CACNA1A: variants seen among roughly 807,000 people sequenced by gnomAD.
CACNA1A encodes voltage-dependent P/Q-type calcium channel subunit alpha-1A.
In CACNA1A, 57 loss-of-function variants were observed where a neutral mutation model predicts 262.4. The ratio of observed to expected loss-of-function variants is 0.22; its 90% CI spans 0.18 to 0.27. The LOEUF (loss-of-function observed/expected upper bound fraction) is 0.27. Among genes scored for constraint, CACNA1A ranks in the 10% least tolerant of loss-of-function variants. The pLI is 1.00. For missense variants in CACNA1A, 2,526 were observed against 3,562.8 expected, an observed-to-expected ratio of 0.71 and a Z score of 7.41; for synonymous variants, 1,431 against 1,419.3, an observed-to-expected ratio of 1.01 and a Z score of -0.18.
intron 34 of CACNA1A, 135 bp downstream of exon 34, chr19:13,234,786 G>T (rs533176894): frequency 6.1e-6 from 4 of 654,570 alleles, no homozygotes; most frequent in African/African-American, 1.8e-5. Context: ...GTGAGGGCGC[G>T]CCCCTGCCAG....
rs182401545 is a variant in CACNA1A, at chr19:13,351,655, G to A, written c.978+7951C>T. ...CTCCTGCGTAGCTGGGACTACAGGC[G>A]TGTGCCACCACGCCTGGCTAATTTT... On this transcript the variant is annotated intron_variant, in intron 6 of 46. Coordinates refer to ENST00000360228, the MANE Select transcript of CACNA1A (RefSeq NM_001127222.2). Among the ~76,000 whole-genome samples the A allele has an allele frequency of 6.2e-4, 94 of 152,252 alleles. No individual in the cohort carries two copies. The East Asian group carries it at 9.5e-3, about 15-fold the overall frequency.
chr19:13,263,524 C>CTT (rs376610260), intron 24 of CACNA1A: 6 of 143,498 alleles, frequency 4.2e-5, no homozygotes, highest in African/African-American at 7.7e-5. Context: ...CCTATGTATT[C>CTT]TTTTTTTTTT....
Position 13,317,060 on chromosome 19 carries a change from G to T in CACNA1A, c.1555+52C>A, listed in dbSNP as rs2058142138. On this transcript the variant is annotated intron_variant, in intron 11 of 46. Transcript: ENST00000360228. ...CCAGAGAAAGAGAAGTGGAAAAAGGGTGTGAGGGAGGGATCAGGGAGTTGG... is the reference window on the plus strand; with the variant it reads ...CCAGAGAAAGAGAAGTGGAAAAAGGTTGTGAGGGAGGGATCAGGGAGTTGG... The T allele has an allele frequency of 5.1e-6, 6 of 1,168,914 alleles. No individual in the cohort carries two copies. The East Asian group carries it at 1.2e-4, about 24-fold the overall frequency. The allele number at this position is 1,168,914 out of a possible 1,614,324, so 72.4% of individuals were successfully genotyped here.
intron 44 of CACNA1A, 32 bp from the exon 45 acceptor site, chr19:13,209,530 T>C: frequency 1.6e-6 from 2 of 1,277,350 alleles, no homozygotes; most frequent in Non-Finnish European, 2.0e-6. Flanking sequence ...TGGGCTGGGG[T>C]CAGCAGCTAG....
intron 1 of CACNA1A, among the ~76,000 whole-genome samples, chr19:13,488,284 C>G (rs1162059064): frequency 6.6e-6 from 1 of 151,906 alleles, no homozygotes; most frequent in Non-Finnish European, 1.5e-5. Context: ...TTTAGAAACC[C>G]TTGGGGAGTT....
intron 3 of CACNA1A, among the ~76,000 whole-genome samples, chr19:13,439,145 G>A (rs1300940205): frequency 7.1e-6 from 1 of 140,610 alleles, no homozygotes; most frequent in Admixed American, 7.5e-5. Flanking sequence ...GTCTTGCTCT[G>A]TCACCCAGGC....
chr19:13,269,791 C>T (rs1487559890), intron 24 of CACNA1A, among the ~76,000 whole-genome samples: 2 of 152,190 alleles, frequency 1.3e-5, no homozygotes, highest in Admixed American at 1.3e-4. Context: ...CACACACACA[C>T]AGATATTTGG....
chr19:13,452,645 G>T, intron 3 of CACNA1A: 1 of 410,208 alleles, frequency 2.4e-6, no homozygotes, highest in Non-Finnish European at 4.4e-6. Context: ...AAAGCACTCT[G>T]GAAGCAGCCA....
At chr19:13,447,154 A>G (rs567118078) in intron 3 of CACNA1A, among the ~76,000 whole-genome samples, 2 of 152,340 alleles carry the variant, frequency 1.3e-5, no homozygotes, top group African/African-American at 4.8e-5. Flanking sequence ...TCATGATAGG[A>G]TCAGGATTCC....
At chr19:13,436,786 G>A (rs2060620424) in intron 3 of CACNA1A, among the ~76,000 whole-genome samples, 1 of 152,182 alleles carries the variant, frequency 6.6e-6, no homozygotes, top group African/African-American at 2.4e-5. Flanking sequence ...TATCATAGTG[G>A]GCATGCAGTG....
At chr19:13,396,120 G>A (rs2059807326) in intron 3 of CACNA1A, among the ~76,000 whole-genome samples, 2 of 152,194 alleles carry the variant, frequency 1.3e-5, no homozygotes, top group Admixed American at 6.5e-5. Context: ...TATGCCTTGT[G>A]AGTTGATTTT....
chr19:13,433,292 CAAAAAAA>C (rs71170514), intron 3 of CACNA1A, among the ~76,000 whole-genome samples: 1 of 98,220 alleles, frequency 1.0e-5, no homozygotes. Context: ...GACTCTGTCT[CAAAAAAA>C]AAAAAAAAAA....
At chr19:13,409,462 C>T (rs565997101) in intron 3 of CACNA1A, among the ~76,000 whole-genome samples, 25 of 152,096 alleles carry the variant, frequency 1.6e-4, no homozygotes, top group African/African-American at 6.0e-4. Context: ...TTAGCCTTGT[C>T]ATTGTTGATG....
intron 1 of CACNA1A, among the ~76,000 whole-genome samples, chr19:13,465,279 A>G (rs2061213771): frequency 6.6e-6 from 1 of 152,160 alleles, no homozygotes; most frequent in South Asian, 2.1e-4. Context: ...ACCTACCGTC[A>G]TCATAGCTGA....
At chr19:13,367,294 C>CAAAAAAAAAA (rs71168702) in intron 4 of CACNA1A, among the ~76,000 whole-genome samples, 1 of 64,786 alleles carries the variant, frequency 1.5e-5, no homozygotes, top group Non-Finnish European at 2.7e-5. Context: ...GACTCTGTCT[C>CAAAAAAAAAA]AAAAAAAAAA....
intron 35 of CACNA1A, among the ~76,000 whole-genome samples, chr19:13,231,369 A>C (rs1600129910): frequency 6.7e-6 from 1 of 149,238 alleles, no homozygotes. Context: ...TCCCAACCCC[A>C]CCCCCACCCC....
rs1228156624 is a variant in CACNA1A at position 13,497,557 on chromosome 19, T to A, written c.293+8375A>T. 4.4e-4 allele frequency among the ~76,000 whole-genome samples: 14 copies of A among 31,698 alleles called. 2 individuals are homozygous for A. Among genetic ancestry groups the A allele is most frequent in the African/African-American group, 1.2e-3 (9 of 7,444 alleles). 20.8% of individuals were successfully genotyped at this position (31,698 alleles called of 152,430 possible). A position where few individuals can be genotyped will look rare whatever the true frequency, so the allele number is the denominator to read the frequency against. On this transcript the variant is annotated intron_variant, in intron 1 of 46. Transcript: ENST00000360228. ...ATATATATATATATATATATATATA[T>A]ATATATATATATATATATATATAAA... is the stretch of plus-strand genomic sequence containing the variant.
In CACNA1A at chr19:13,335,834, G is replaced by A; in HGVS notation, c.1054C>T (p.Leu352=). 1 of 1,610,466 alleles carries A rather than the reference G, an allele frequency of 6.2e-7. No homozygotes were observed. Among genetic ancestry groups the A allele is most frequent in the South Asian group, 1.1e-5 (1 of 90,250 alleles). ...PLIIIGSFFM[L]NLVLGVLSGE... ...GACAGCACACCCAGCACAAGGTTCA[G>A]CATAAAAAAGGAGCCGATGATGATG... The change falls in exon 7 of 47, where the codon CTG becomes TTG. Residue 352 remains leucine (L), a synonymous_variant. Transcript: ENST00000360228.
At chr19:13,391,279 A>G (rs1490696896) in intron 3 of CACNA1A, among the ~76,000 whole-genome samples, 2 of 152,156 alleles carry the variant, frequency 1.3e-5, no homozygotes, top group Non-Finnish European at 2.9e-5. Context: ...CAGTGGAGGA[A>G]GTCCTTCTCC....
Sources: gnomAD v4.1 joint callset for allele counts (sites outside exome capture counted in the v4.1 genomes callset) on GRCh38, gnomAD v4.1.1 for gene constraint, MANE v1.5 for transcripts, NCBI Gene and HGNC (gene_info 2026-07-23, HGNC 2026-07-21) for gene names.